Variants in MGAT5 observed in about 807,000 individuals in gnomAD.
MGAT5 encodes the protein alpha-1,6-mannosylglycoprotein 6-beta-N-acetylglucosaminyltransferase, also known as alpha-1,6-mannosylglycoprotein 6-beta-N-acetylglucosaminyltransferase A.
A neutral mutation model predicts 94.3 loss-of-function variants in MGAT5; 30 were observed. The ratio of observed to expected loss-of-function variants is 0.32; its 90% CI spans 0.24 to 0.43. The LOEUF (loss-of-function observed/expected upper bound fraction) is 0.43. Among genes scored for constraint, MGAT5 ranks in the 20% least tolerant of loss-of-function variants. The probability of loss-of-function intolerance (pLI) is 1.00; values close to 1 mark genes in which losing one functional copy is unlikely to be tolerated. For missense variants in MGAT5, 691 were observed against 905.5 expected (o/e 0.76, Z 3.04); for synonymous variants, 310 against 322.9 (o/e 0.96, Z 0.43).
At chr2:134,396,554 A>G (rs73958401) in intron 10 of MGAT5, among the ~76,000 whole-genome samples, 1 of 152,000 alleles carries the variant, frequency 6.6e-6, no homozygotes, top group African/African-American at 2.4e-5. Context: ...AACTCTTTTT[A>G]TTTTGTTTTT....
intron 4 of MGAT5, among the ~76,000 whole-genome samples, chr2:134,322,293 T>C (rs146952758): frequency 3.3e-5 from 5 of 152,332 alleles, no homozygotes; most frequent in African/African-American, 1.2e-4. Context: ...TGGTTCTCAT[T>C]TACCAGTGTA....
chr2:134,225,144 G>A (rs908411162), intron 1 of MGAT5, among the ~76,000 whole-genome samples: 2 of 148,702 alleles, frequency 1.3e-5, no homozygotes, highest in African/African-American at 2.5e-5. Context: ...TCAAGGCACC[G>A]CATCAGGCTC....
chr2:134,318,572 A>G (rs1558786322), intron 3 of MGAT5, 78 bp from the exon 4 acceptor site: 3 of 1,073,306 alleles, frequency 2.8e-6, no homozygotes, highest in Non-Finnish European at 4.3e-6. Context: ...CATCTTCACC[A>G]TTCTATCCTC....
chr2:134,423,654 A>G (rs1462535087), intron 13 of MGAT5, among the ~76,000 whole-genome samples: 1 of 152,224 alleles, frequency 6.6e-6, no homozygotes, highest in Non-Finnish European at 1.5e-5. Context: ...AAGCCGGGGT[A>G]GGCATGTGGG....
intron 10 of MGAT5, among the ~76,000 whole-genome samples, chr2:134,402,645 G>A (rs1335895163): frequency 2.0e-5 from 3 of 152,156 alleles, no homozygotes; most frequent in African/African-American, 7.2e-5. Flanking sequence ...TCAACTGTTA[G>A]GTCTGTGGTA....
Position 134,189,602 on chromosome 2 carries a change from G to GTTGTTTTTTTTTTTTTTTTTTTTTTT in MGAT5, c.-142-64658_-142-64657insGTTTTTTTTTTTTTTTTTTTTTTTTT, listed in dbSNP as rs1689232395. The stretch of plus-strand genomic sequence containing the variant: ...AACCTCATGGCTCTAGTTTTTTTTT[G>GTTGTTTTTTTTTTTTTTTTTTTTTTT]TTTTTTTTTTTTTTTTTTAAGACAG... On this transcript the variant is annotated intron_variant, in intron 1 of 16. Coordinates refer to the MGAT5 transcript ENST00000409645. 2.0e-4 allele frequency among the ~76,000 whole-genome samples: 17 copies of GTTGTTTTTTTTTTTTTTTTTTTTTTT among 84,654 alleles called. 1 individual carries two copies. Among genetic ancestry groups the GTTGTTTTTTTTTTTTTTTTTTTTTTT allele is most frequent in the African/African-American group, 7.6e-4 (16 of 20,998 alleles). 55.5% of individuals were successfully genotyped at this position (84,654 alleles called of 152,430 possible).
At chr2:134,227,082 A>G (rs577791108) in intron 1 of MGAT5, among the ~76,000 whole-genome samples, 1 of 152,204 alleles carries the variant, frequency 6.6e-6, no homozygotes, top group African/African-American at 2.4e-5. Flanking sequence ...TTTAGCATCA[A>G]ATACCAAGGG....
chr2:134,192,305 T>C (rs1679263394), intron 1 of MGAT5, among the ~76,000 whole-genome samples: 1 of 152,178 alleles, frequency 6.6e-6, no homozygotes, highest in African/African-American at 2.4e-5. Flanking sequence ...TCTTGCATCG[T>C]GGAGTGACTT....
At chr2:134,311,822 G>T (rs1351826480) in intron 2 of MGAT5, among the ~76,000 whole-genome samples, 1 of 152,158 alleles carries the variant, frequency 6.6e-6, no homozygotes, top group Admixed American at 6.5e-5. Context: ...AAAAAGAAAT[G>T]GACGATAGCA....
intron 1 of MGAT5, among the ~76,000 whole-genome samples, chr2:134,121,997 T>C (rs1685617215): frequency 1.3e-5 from 2 of 152,240 alleles, no homozygotes; most frequent in South Asian, 2.1e-4. Context: ...TTCACCCTCC[T>C]CCCCCCGTCC....
chr2:134,237,140 T>TGTGTGTGTGTGTGTGTGTGC (rs1681684798), intron 1 of MGAT5, among the ~76,000 whole-genome samples: 1 of 137,508 alleles, frequency 7.3e-6, no homozygotes, highest in Admixed American at 7.1e-5. Flanking sequence ...TGTGTGTGTG[T>TGTGTGTGTGTGTGTGTGTGC]GTGTGTGTGC....
chr2:134,399,906 G>A (rs1682938346), intron 10 of MGAT5, among the ~76,000 whole-genome samples: 2 of 152,158 alleles, frequency 1.3e-5, no homozygotes, highest in Admixed American at 1.3e-4. Flanking sequence ...GCCTTCCCAT[G>A]TGTAGGGGAA....
At chr2:134,281,995 T>A (rs569694675) in intron 2 of MGAT5, among the ~76,000 whole-genome samples, 37 of 152,310 alleles carry the variant, frequency 2.4e-4, no homozygotes, top group African/African-American at 8.2e-4. Context: ...TTGGCAGAAG[T>A]GCCAGTCATT....
chr2:134,272,161 G>A (rs1417309638), intron 2 of MGAT5, among the ~76,000 whole-genome samples: 3 of 152,204 alleles, frequency 2.0e-5, no homozygotes, highest in South Asian at 2.1e-4. Flanking sequence ...GCACAGGGTC[G>A]TGGGTACACC....
intron 1 of MGAT5, among the ~76,000 whole-genome samples, chr2:134,215,006 A>C (rs554670345): frequency 6.6e-6 from 1 of 151,884 alleles, no homozygotes. Context: ...CTGTTTTAGC[A>C]CTCTGTATAA....
chr2:134,300,508 A>T (rs1272774436), intron 2 of MGAT5, among the ~76,000 whole-genome samples: 1 of 152,160 alleles, frequency 6.6e-6, no homozygotes, highest in East Asian at 1.9e-4. Flanking sequence ...CACTATACAC[A>T]ATTAACTAGT....
At chr2:134,394,762 C>T (rs1324137378) in intron 10 of MGAT5, among the ~76,000 whole-genome samples, 1 of 152,182 alleles carries the variant, frequency 6.6e-6, no homozygotes, top group Non-Finnish European at 1.5e-5. Context: ...TTCCAAAATT[C>T]TTCCCTGACA....
chr2:134,321,140 G>A (rs527725361), intron 4 of MGAT5, among the ~76,000 whole-genome samples: 51 of 152,256 alleles, frequency 3.3e-4, no homozygotes, highest in Admixed American at 2.6e-3. Context: ...TTCTCCAGAG[G>A]AGTAAAGCCT....
chr2:134,169,588 A>G (rs1688114509), intron 1 of MGAT5, among the ~76,000 whole-genome samples: 1 of 152,238 alleles, frequency 6.6e-6, no homozygotes, highest in African/African-American at 2.4e-5. Context: ...ACTTTGGGTG[A>G]AATCTTGATG....
Sources: gnomAD v4.1 joint callset for allele counts (sites outside exome capture counted in the v4.1 genomes callset) on GRCh38, gnomAD v4.1.1 for gene constraint, MANE v1.5 for transcripts, NCBI Gene and HGNC (gene_info 2026-07-23, HGNC 2026-07-21) for gene names.